The following MTNR1A variants were observed in gnomAD, a reference collection of about 807,000 sequenced individuals.
MTNR1A encodes melatonin receptor 1A.
A neutral mutation model predicts 5.5 loss-of-function variants in MTNR1A; 7 were observed. The observed-to-expected ratio is 1.28, with a 90% CI of 0.73 to 2.40. The LOEUF (loss-of-function observed/expected upper bound fraction) is 2.40. MTNR1A is among the 30% of genes most tolerant of loss of function. The pLI is 0.00. For missense variants in MTNR1A, 441 were observed against 464.4 expected, an observed-to-expected ratio of 0.95 and a Z score of 0.46; for synonymous variants, 196 against 202.7, an observed-to-expected ratio of 0.97 and a Z score of 0.28.
intron 1 of MTNR1A, among the ~76,000 whole-genome samples, chr4:186,542,219 G>T (rs1429617169): frequency 6.6e-6 from 1 of 152,184 alleles, no homozygotes; most frequent in Non-Finnish European, 1.5e-5. Flanking sequence ...CTGCTGGTAG[G>T]TGGATTACAT....
chr4:186,533,780 A>T lies in MTNR1A; in HGVS notation c.962T>A (p.Val321Glu). 6.2e-7 allele frequency: 1 copy of T among 1,614,222 alleles called. No individual in the cohort carries two copies. The highest frequency in any genetic ancestry group is 8.5e-7 in the Non-Finnish European group (1 of 1,180,038). ...ATCGGCCACGTCGTTAGAGCTGTCC[A>T]CAAAGAACACCCTGGCTGTACAGAG... ...VSLCTARVFF[V>E]DSSNDVADRV... The change falls in exon 2 of 2, where the codon GTG (valine) becomes GAG (glutamate). Residue 321 changes from valine (V) to glutamate (E), a missense_variant. By Grantham distance (121) the Val-to-Glu change is moderately radical. Transcript: ENST00000307161.
At chr4:186,549,956 T>C (rs540164097) in intron 1 of MTNR1A, among the ~76,000 whole-genome samples, 1 of 152,268 alleles carries the variant, frequency 6.6e-6, no homozygotes, top group African/African-American at 2.4e-5. Context: ...TCACCTCCAT[T>C]AACTTAAATA....
chr4:186,539,088 G>C (rs35383487), intron 1 of MTNR1A, among the ~76,000 whole-genome samples: 63 of 151,508 alleles, frequency 4.2e-4, no homozygotes, highest in Non-Finnish European at 8.0e-4. Context: ...GTGGTGGTGC[G>C]CACCTGTAGT....
rs1424753276 is a variant in MTNR1A at position 186,538,332 on chromosome 4, T to G, written c.185-3775A>C. Among the ~76,000 whole-genome samples, 5 of 152,236 alleles carry G rather than the reference T, an allele frequency of 3.3e-5. No individual in the cohort carries two copies. In the East Asian group the frequency reaches 9.6e-4, roughly 29 times the overall value. On this transcript the variant is annotated intron_variant, in intron 1 of 1. Transcript: ENST00000307161. Reference sequence around the variant, plus strand: ...GACTTTTCCTTGCACCGCTCCGGGTTAGTGTTCCCCACAAGAGGCAATTGC... The same window carrying G: ...GACTTTTCCTTGCACCGCTCCGGGTGAGTGTTCCCCACAAGAGGCAATTGC...
intron 1 of MTNR1A, among the ~76,000 whole-genome samples, chr4:186,545,064 T>C (rs940919662): frequency 6.6e-6 from 1 of 152,164 alleles, no homozygotes; most frequent in Non-Finnish European, 1.5e-5. Context: ...TCCCCTGCCC[T>C]GATCTGCTCT....
chr4:186,535,319 G>A (rs1007924676), intron 1 of MTNR1A, among the ~76,000 whole-genome samples: 13 of 151,592 alleles, frequency 8.6e-5, no homozygotes, highest in East Asian at 3.9e-4. Flanking sequence ...AAGAACTTAC[G>A]TTACAAAACT....
chr4:186,537,256 G>GGGGGTGTGT (rs1480941027), intron 1 of MTNR1A, among the ~76,000 whole-genome samples: 2 of 152,136 alleles, frequency 1.3e-5, no homozygotes, highest in East Asian at 3.8e-4. Context: ...TGTGTGCCTG[G>GGGGGTGTGT]GGGGTGTGTG....
chr4:186,540,744 G>T (rs1021648604), intron 1 of MTNR1A, among the ~76,000 whole-genome samples: 1 of 149,482 alleles, frequency 6.7e-6, no homozygotes, highest in South Asian at 2.1e-4. Flanking sequence ...TGAAGGACCA[G>T]GTGCTGTCTG....
intron 1 of MTNR1A, among the ~76,000 whole-genome samples, chr4:186,542,356 G>A (rs1012680161): frequency 2.0e-5 from 3 of 152,122 alleles, no homozygotes; most frequent in African/African-American, 4.8e-5. Flanking sequence ...ACCCACGGAC[G>A]TACAGGACGC....
intron 1 of MTNR1A, among the ~76,000 whole-genome samples, chr4:186,535,746 T>C (rs968593018): frequency 1.3e-5 from 2 of 152,190 alleles, no homozygotes; most frequent in African/African-American, 2.4e-5. Flanking sequence ...TCTGCAAATA[T>C]GTTTTTTTTC....
chr4:186,552,574 AAAAC>A (rs1446389451), intron 1 of MTNR1A, among the ~76,000 whole-genome samples: 1 of 152,236 alleles, frequency 6.6e-6, no homozygotes, highest in Non-Finnish European at 1.5e-5. Context: ...GTGTACCCAG[AAAAC>A]AAACAAGCCA....
intron 1 of MTNR1A, among the ~76,000 whole-genome samples, chr4:186,544,408 C>G (rs944153900): frequency 1.3e-5 from 2 of 152,194 alleles, no homozygotes; most frequent in African/African-American, 2.4e-5. Flanking sequence ...ACAGGATCTT[C>G]CTATCCTGGG....
At chr4:186,548,987 A>C (rs1391151677) in intron 1 of MTNR1A, among the ~76,000 whole-genome samples, 1 of 151,676 alleles carries the variant, frequency 6.6e-6, no homozygotes, top group Non-Finnish European at 1.5e-5. Flanking sequence ...AAAAAAGATA[A>C]GTAAATAATA....
At chr4:186,552,677 G>T (rs1208258348) in intron 1 of MTNR1A, among the ~76,000 whole-genome samples, 1 of 152,118 alleles carries the variant, frequency 6.6e-6, no homozygotes, top group African/African-American at 2.4e-5. Flanking sequence ...GAGGCTAAGC[G>T]GTTGGGTATT....
intron 1 of MTNR1A, among the ~76,000 whole-genome samples, chr4:186,552,004 T>C (rs2126307122): frequency 6.6e-6 from 1 of 152,330 alleles, no homozygotes; most frequent in African/African-American, 2.4e-5. Context: ...ATGTATCATA[T>C]CCCTGTCTTC....
intron 1 of MTNR1A, among the ~76,000 whole-genome samples, chr4:186,552,028 A>G (rs1310529421): frequency 6.6e-6 from 1 of 152,226 alleles, no homozygotes; most frequent in East Asian, 1.9e-4. Flanking sequence ...AGTAGAACAC[A>G]CCACTCATGA....
rs185890776 is a variant in MTNR1A at position 186,545,478 on chromosome 4, G to A, written c.184+9704C>T. ...CATTCTCACGGTGAGCACAGAGCCTGGCCCATATTAGGTGCTCGGAAATAA... is the reference window on the plus strand; with the variant it reads ...CATTCTCACGGTGAGCACAGAGCCTAGCCCATATTAGGTGCTCGGAAATAA... On this transcript the variant is annotated intron_variant, in intron 1 of 1. Coordinates refer to ENST00000307161, the MANE Select transcript of MTNR1A (RefSeq NM_005958.4). Among the ~76,000 whole-genome samples, 505 of 152,256 alleles carry A rather than the reference G, an allele frequency of 3.3e-3. 3 individuals carry two copies. Among genetic ancestry groups the A allele is most frequent in the African/African-American group, 0.012 (489 of 41,544 alleles).
intron 1 of MTNR1A, among the ~76,000 whole-genome samples, chr4:186,548,808 A>AATAT (rs1737206205): frequency 2.1e-5 from 1 of 48,316 alleles, no homozygotes; most frequent in African/African-American, 7.4e-5. Context: ...TTAATCTATA[A>AATAT]AGATATATAT....
At chr4:186,542,805 T>G (rs1737056059) in intron 1 of MTNR1A, among the ~76,000 whole-genome samples, 1 of 152,160 alleles carries the variant, frequency 6.6e-6, no homozygotes, top group South Asian at 2.1e-4. Flanking sequence ...AGATACCCCT[T>G]TGGTTTCATT....
Sources: gnomAD v4.1 joint callset for allele counts (sites outside exome capture counted in the v4.1 genomes callset) on GRCh38, gnomAD v4.1.1 for gene constraint, MANE v1.5 for transcripts, NCBI Gene and HGNC (gene_info 2026-07-23, HGNC 2026-07-21) for gene names.